The following CPNE4 variants were observed in gnomAD, a reference collection of about 807,000 sequenced individuals.
CPNE4 encodes the protein copine 4.
In CPNE4, 25 loss-of-function variants were observed where a neutral mutation model predicts 67.9. That is an observed-to-expected ratio of 0.37 (90% CI 0.27 to 0.51). CPNE4 has a LOEUF of 0.51. Ranked by LOEUF, CPNE4 falls within the 20% of genes least tolerant of loss-of-function variation. CPNE4 has a pLI of 0.93. For synonymous variants in CPNE4, 242 were observed against 244.9 expected, an observed-to-expected ratio of 0.99 and a Z score of 0.11; for missense variants, 464 against 690.8, an observed-to-expected ratio of 0.67 and a Z score of 3.68.
chr3:131,872,510 C>T (rs1268435978), intron 2 of CPNE4, among the ~76,000 whole-genome samples: 1 of 152,188 alleles, frequency 6.6e-6, no homozygotes, highest in Admixed American at 6.5e-5. Flanking sequence ...AGAACTTCAG[C>T]TGTTGGATAA....
At chr3:131,646,087 C>T (rs1039134869) in intron 7 of CPNE4, among the ~76,000 whole-genome samples, 5 of 152,076 alleles carry the variant, frequency 3.3e-5, no homozygotes, top group Admixed American at 2.6e-4. Flanking sequence ...AAAAAAGTGA[C>T]AAACTATACA....
At chr3:131,929,717 AT>A (rs921030401) in intron 1 of CPNE4, among the ~76,000 whole-genome samples, 59 of 152,018 alleles carry the variant, frequency 3.9e-4, no homozygotes, top group African/African-American at 1.4e-3. Context: ...GCCTACCTCT[AT>A]TTTTGGAAAG....
At chr3:131,586,999 C>T (rs1938222726) in intron 8 of CPNE4, among the ~76,000 whole-genome samples, 1 of 152,106 alleles carries the variant, frequency 6.6e-6, no homozygotes, top group Non-Finnish European at 1.5e-5. Flanking sequence ...TTATTAATGT[C>T]ACCAAATCAT....
chr3:131,720,731 CG>C (rs2081862018), intron 3 of CPNE4, among the ~76,000 whole-genome samples: 1 of 152,174 alleles, frequency 6.6e-6, no homozygotes, highest in Non-Finnish European at 1.5e-5. Flanking sequence ...CAGTTACGTA[CG>C]GTGGTATCTA....
chr3:131,637,929 GA>G (rs1443922314), intron 7 of CPNE4, among the ~76,000 whole-genome samples: 1 of 152,076 alleles, frequency 6.6e-6, no homozygotes, highest in Non-Finnish European at 1.5e-5. Flanking sequence ...TGTATCCAAT[GA>G]AATTAAGCTT....
intron 2 of CPNE4, among the ~76,000 whole-genome samples, chr3:131,882,585 A>C (rs1315549034): frequency 1.3e-5 from 2 of 149,190 alleles, no homozygotes; most frequent in Non-Finnish European, 3.0e-5. Flanking sequence ...TATAAATGAT[A>C]ATATTGATGC....
intron 7 of CPNE4, among the ~76,000 whole-genome samples, chr3:131,616,373 T>G (rs1940161400): frequency 6.6e-6 from 1 of 152,124 alleles, no homozygotes. Flanking sequence ...TTTTTCTGAG[T>G]CTTGAGCTAT....
intron 2 of CPNE4, among the ~76,000 whole-genome samples, chr3:131,763,028 A>AC (rs1016181680): frequency 1.3e-5 from 2 of 152,042 alleles, no homozygotes; most frequent in Admixed American, 1.3e-4. Flanking sequence ...TTTTAGGAAA[A>AC]CAAAAAAACA....
intron 2 of CPNE4, among the ~76,000 whole-genome samples, chr3:131,896,808 C>T (rs2088357419): frequency 6.6e-6 from 1 of 152,066 alleles, no homozygotes; most frequent in Admixed American, 6.6e-5. Flanking sequence ...AGATCAGGGA[C>T]CATCAGCACC....
chr3:131,736,385 G>A (rs911896823), intron 2 of CPNE4, among the ~76,000 whole-genome samples: 17 of 152,014 alleles, frequency 1.1e-4, no homozygotes, highest in Non-Finnish European at 2.4e-4. Context: ...ACTTTGGGAG[G>A]CTGAGGTGGG....
chr3:131,813,331 TAATAG>T (rs1320759762), intron 2 of CPNE4, among the ~76,000 whole-genome samples: 2 of 151,312 alleles, frequency 1.3e-5, no homozygotes, highest in East Asian at 1.9e-4. Flanking sequence ...AGAGTAGTTG[TAATAG>T]AATAGAAGGA....
In CPNE4 at chr3:131,652,714, C is replaced by T. The variant is rs546769432; in HGVS notation, c.681+16961G>A. Among the ~76,000 whole-genome samples, 9 of 152,322 alleles carry T rather than the reference C, an allele frequency of 5.9e-5. No individual in the cohort carries two copies. The South Asian group carries it at 1.9e-3, about 32-fold the overall frequency. On this transcript the variant is annotated intron_variant, in intron 7 of 15. Coordinates refer to ENST00000429747, the MANE Select transcript of CPNE4 (RefSeq NM_130808.3). The stretch of plus-strand genomic sequence containing the variant: ...GCACTTACATGCATGTACACACGCA[C>T]ACTTGCCATATATTTACTGACAACT...
At chr3:131,776,455 G>A (rs568907846) in intron 2 of CPNE4, among the ~76,000 whole-genome samples, 1 of 152,248 alleles carries the variant, frequency 6.6e-6, no homozygotes, top group South Asian at 2.1e-4. Context: ...TTCAGAGAGA[G>A]GAGGCTGATG....
chr3:131,793,942 G>T (rs146297837), intron 2 of CPNE4, among the ~76,000 whole-genome samples: 21 of 152,244 alleles, frequency 1.4e-4, no homozygotes, highest in Admixed American at 9.8e-4. Flanking sequence ...CTTGCCTGTG[G>T]TATGTAGCCA....
intron 2 of CPNE4, among the ~76,000 whole-genome samples, chr3:131,759,975 T>A (rs1485809364): frequency 1.3e-5 from 2 of 152,196 alleles, no homozygotes; most frequent in African/African-American, 2.4e-5. Flanking sequence ...CAGCTCCAGG[T>A]AGCTTTGCCA....
At chr3:131,824,957 A>G (rs1255945773) in intron 2 of CPNE4, among the ~76,000 whole-genome samples, 1 of 152,116 alleles carries the variant, frequency 6.6e-6, no homozygotes, top group East Asian at 1.9e-4. Flanking sequence ...GTTCTCATAA[A>G]ATGTGATACT....
intron 7 of CPNE4, among the ~76,000 whole-genome samples, chr3:131,605,652 T>C (rs1302933935): frequency 6.6e-6 from 1 of 151,966 alleles, no homozygotes; most frequent in Non-Finnish European, 1.5e-5. Flanking sequence ...ATGAATGAAG[T>C]GGGAAGGGAA....
rs144126828 is a variant in CPNE4 at position 131,614,999 on chromosome 3, C to T, written c.682-27417G>A. On this transcript the variant is annotated intron_variant, in intron 7 of 15. Transcript: ENST00000429747. ...AGTATCCTAGATCACTATTCTTAAA[C>T]TTTAGTATGCACATAAATCACCTGG... Among the ~76,000 whole-genome samples, 8 of 152,240 alleles carry T rather than the reference C, an allele frequency of 5.3e-5. No individual in the cohort carries two copies. The East Asian group carries it at 1.5e-3, about 29-fold the overall frequency.
At chr3:131,763,971 T>G (rs2082949809) in intron 2 of CPNE4, among the ~76,000 whole-genome samples, 1 of 152,104 alleles carries the variant, frequency 6.6e-6, no homozygotes, top group Non-Finnish European at 1.5e-5. Context: ...TCTAAGCATT[T>G]AAAATTTTAA....
Sources: gnomAD v4.1 joint callset for allele counts (sites outside exome capture counted in the v4.1 genomes callset) on GRCh38, gnomAD v4.1.1 for gene constraint, MANE v1.5 for transcripts, NCBI Gene and HGNC (gene_info 2026-07-23, HGNC 2026-07-21) for gene names.